ESR1: variants seen among roughly 807,000 people sequenced by gnomAD.
The protein encoded by ESR1 is estrogen receptor.
ESR1 carries 12 observed loss-of-function variants against 52.7 expected under a neutral mutation model. The observed-to-expected ratio is 0.23, with a 90% CI of 0.15 to 0.37. The LOEUF (loss-of-function observed/expected upper bound fraction) is 0.37, where lower values mean the gene tolerates loss of function less well. Ranked by LOEUF, ESR1 falls within the 10% of genes least tolerant of loss-of-function variation. The pLI is 1.00. For missense variants in ESR1, 584 were observed against 779.7 expected (o/e 0.75, Z 2.99); for synonymous variants, 305 against 316.8 (o/e 0.96, Z 0.39).
intron 2 of ESR1, 57 bp downstream of exon 2, chr6:151,842,844 C>A (rs1452120572): frequency 1.7e-5 from 25 of 1,469,394 alleles, no homozygotes; most frequent in Non-Finnish European, 2.3e-5. Context: ...ATCCTAAGAG[C>A]CAAAGCGACT....
At chr6:152,084,847 G>A (rs890639621) in intron 6 of ESR1, among the ~76,000 whole-genome samples, 4 of 152,200 alleles carry the variant, frequency 2.6e-5, no homozygotes, top group Non-Finnish European at 5.9e-5. Flanking sequence ...AGAAACCGGA[G>A]TACAGATCTT....
At chr6:152,118,578 C>T (rs1165723299) in intron 6 of ESR1, among the ~76,000 whole-genome samples, 1 of 149,566 alleles carries the variant, frequency 6.7e-6, no homozygotes, top group African/African-American at 2.5e-5. Context: ...GAAGGGAGCA[C>T]CACACACTGG....
At chr6:151,803,145 G>A (rs1305223070), upstream of ESR1, among the ~76,000 whole-genome samples, 3 of 152,146 alleles carry the variant, frequency 2.0e-5, no homozygotes, top group Non-Finnish European at 4.4e-5. Context: ...ACAGTGCTGG[G>A]TTCTCATAAT....
rs576822526 is a variant in ESR1 at position 151,900,035 on chromosome 6, A to G, written c.760+19264A>G. Among the ~76,000 whole-genome samples the G allele has an allele frequency of 6.5e-3, 990 of 152,354 alleles. 3 individuals are homozygous for G. The highest frequency in any genetic ancestry group is 9.7e-3 in the Non-Finnish European group (658 of 68,024). On this transcript the variant is annotated intron_variant, in intron 3 of 7. Transcript: ENST00000206249. Reference sequence around the variant, plus strand: ...TGCAATCTCGGCACTTTGGGAGGCCAAGGCAGGCTGCTGGGAGGTGGAGGT... The same window carrying G: ...TGCAATCTCGGCACTTTGGGAGGCCGAGGCAGGCTGCTGGGAGGTGGAGGT...
chr6:151,948,103 G>A (rs944196573), intron 4 of ESR1, among the ~76,000 whole-genome samples: 1 of 152,008 alleles, frequency 6.6e-6, no homozygotes, highest in Non-Finnish European at 1.5e-5. Context: ...AGGTTAAAAA[G>A]GAAAAAATAT....
intron 3 of ESR1, among the ~76,000 whole-genome samples, chr6:151,903,084 T>C (rs1421744235): frequency 6.6e-6 from 1 of 152,226 alleles, no homozygotes; most frequent in Non-Finnish European, 1.5e-5. Context: ...GAAACTGTTC[T>C]GTTCATTGAC....
At chr6:151,797,953 T>A (rs554805831) in intron 2 of ESR1, among the ~76,000 whole-genome samples, 1 of 152,366 alleles carries the variant, frequency 6.6e-6, no homozygotes, top group East Asian at 1.9e-4. Context: ...GAAAGGAAAT[T>A]AATCAGATGC....
chr6:151,671,397 G>A (rs1262797780), intron 1 of ESR1, among the ~76,000 whole-genome samples: 1 of 152,188 alleles, frequency 6.6e-6, no homozygotes, highest in Non-Finnish European at 1.5e-5. Flanking sequence ...AGATGAACCT[G>A]GAGGACATCG....
At chr6:151,914,905 A>T (rs1009931509) in intron 3 of ESR1, among the ~76,000 whole-genome samples, 1 of 152,212 alleles carries the variant, frequency 6.6e-6, no homozygotes, top group Non-Finnish European at 1.5e-5. Context: ...GGTTTTGATC[A>T]TTTTTGATAA....
intron 1 of ESR1, among the ~76,000 whole-genome samples, chr6:151,830,149 T>A (rs1186720483): frequency 6.6e-6 from 1 of 152,214 alleles, no homozygotes; most frequent in Non-Finnish European, 1.5e-5. Context: ...TCTGTACTTT[T>A]GTGTTAGTCA....
chr6:151,656,786 C>A (rs568260270), intron 1 of ESR1: 4 of 152,240 alleles, frequency 2.6e-5, no homozygotes, highest in African/African-American at 9.6e-5. Flanking sequence ...TTTTTCTACT[C>A]TATTAACTTT....
At chr6:151,858,590 T>G (rs2128280377) in intron 2 of ESR1, among the ~76,000 whole-genome samples, 2 of 152,224 alleles carry the variant, frequency 1.3e-5, no homozygotes, top group East Asian at 3.9e-4. Flanking sequence ...TGTTTTTTTT[T>G]TTTTTTTTAA....
At chr6:151,905,963 G>A (rs941757174) in intron 3 of ESR1, among the ~76,000 whole-genome samples, 10 of 152,078 alleles carry the variant, frequency 6.6e-5, no homozygotes, top group Non-Finnish European at 1.2e-4. Context: ...TTATTGGAAC[G>A]CTAAGCATGT....
At position 151,732,570 on chromosome 6, in the gene ESR1, T is replaced by G. The variant is rs570123830; in HGVS notation, c.-71+30565T>G. 2.4e-4 allele frequency among the ~76,000 whole-genome samples: 36 copies of G among 151,418 alleles called. No individual in the cohort carries two copies. In the South Asian group the frequency reaches 7.5e-3, roughly 32 times the overall value. ...TGTGTGTGTGTGTGATTTTATGAGG[T>G]TTGTCTCATTCTTCTATGCTAGTGA... On this transcript the variant is annotated intron_variant, in intron 2 of 2. Transcript: ENST00000404742.
upstream of ESR1, among the ~76,000 whole-genome samples, chr6:151,687,038 A>C (rs577216174): frequency 6.6e-6 from 1 of 152,238 alleles, no homozygotes; most frequent in African/African-American, 2.4e-5. Context: ...ACCCTGAGAC[A>C]TGCCCTTGTC....
intron 6 of ESR1, among the ~76,000 whole-genome samples, chr6:152,091,833 C>T (rs1226501126): frequency 6.6e-6 from 1 of 152,166 alleles, no homozygotes; most frequent in African/African-American, 2.4e-5. Context: ...CTGTGATTTC[C>T]TTGAACAAGA....
At chr6:152,055,709 C>G (rs2047043863) in intron 5 of ESR1, among the ~76,000 whole-genome samples, 1 of 152,150 alleles carries the variant, frequency 6.6e-6, no homozygotes, top group Non-Finnish European at 1.5e-5. Flanking sequence ...GCCAGAGTGT[C>G]CACTACACAC....
intron 2 of ESR1, among the ~76,000 whole-genome samples, chr6:151,787,565 G>A (rs1031179460): frequency 2.0e-5 from 3 of 151,956 alleles, no homozygotes; most frequent in Non-Finnish European, 2.9e-5. Flanking sequence ...TTCACCTCCC[G>A]GGTTAGCTGT....
At chr6:151,776,034 A>G (rs1785956557) in intron 2 of ESR1, among the ~76,000 whole-genome samples, 1 of 152,190 alleles carries the variant, frequency 6.6e-6, no homozygotes, top group Non-Finnish European at 1.5e-5. Flanking sequence ...GGAGGCAGAG[A>G]GAAGAATATA....
Sources: allele counts gnomAD v4.1 joint callset (sites outside exome capture counted in the v4.1 genomes callset), GRCh38; gene constraint gnomAD v4.1.1; transcripts MANE v1.5; gene names NCBI Gene and HGNC (gene_info 2026-07-23, HGNC 2026-07-21).